Variants in GNRHR observed in about 807,000 individuals in gnomAD.
GNRHR encodes the protein gonadotropin releasing hormone receptor.
GNRHR carries 14 observed loss-of-function variants against 28.1 expected under a neutral mutation model. The ratio of observed to expected loss-of-function variants is 0.50; its 90% confidence interval spans 0.33 to 0.78. The LOEUF is 0.78. Among genes scored for constraint, GNRHR ranks in the 30% least tolerant of loss-of-function variants. The pLI is 0.02. For synonymous variants in GNRHR, 141 were observed against 140.5 expected, an observed-to-expected ratio of 1.00 and a Z score of -0.02; for missense variants, 366 against 382.1, an observed-to-expected ratio of 0.96 and a Z score of 0.35.
intron 1 of GNRHR, among the ~76,000 whole-genome samples, chr4:67,745,040 G>T (rs1577868625): frequency 1.3e-5 from 2 of 152,160 alleles, no homozygotes; most frequent in Admixed American, 1.3e-4. Context: ...CATCCCTCAA[G>T]GATTTAAACG....
In GNRHR at chr4:67,753,814, C is replaced by G. The variant is rs747104264; in HGVS notation, c.522G>C (p.Gln174His). The G allele has an allele frequency of 6.2e-7, 1 of 1,611,096 alleles. No homozygotes were observed. Among genetic ancestry groups the G allele is most frequent in the South Asian group, 1.1e-5 (1 of 90,870 alleles). The part of the protein sequence containing the change: ...WILSSVFAGP[Q>H]LYIFRMIHLA... ...AATAAGTTTGTGTATAATGGCTTAC[C>G]TGTGGTCCTGCAAAGACACTACTGA... Residue 174 changes from glutamine to histidine, a missense_variant and splice_region_variant, in exon 1 of 3, where the codon CAG (glutamine) becomes CAC (histidine). Physicochemically the swap from Gln to His is conservative, Grantham distance 24. Transcript: ENST00000226413.
intron 1 of GNRHR, among the ~76,000 whole-genome samples, chr4:67,745,797 G>A (rs1731743356): frequency 6.6e-6 from 1 of 152,030 alleles, no homozygotes. Context: ...TGAGAACTTA[G>A]CATCACTAAT....
chr4:67,752,114 C>A (rs1731879764), intron 1 of GNRHR, among the ~76,000 whole-genome samples: 1 of 152,186 alleles, frequency 6.6e-6, no homozygotes, highest in Non-Finnish European at 1.5e-5. Flanking sequence ...CCCTAGCCCC[C>A]TGATCACCTC....
rs1055379483 is a variant in GNRHR, at chr4:67,737,415, A to G, written c.*3065T>C. On this transcript the variant is annotated 3_prime_UTR_variant, in exon 3 of 3. Transcript: ENST00000226413. Reference sequence around the variant, plus strand: ...AATTTCTTTTATTCATATGAGCACAATGTATAGTAATTAGAGAAGCCCAAG... The same window carrying G: ...AATTTCTTTTATTCATATGAGCACAGTGTATAGTAATTAGAGAAGCCCAAG... Among the ~76,000 whole-genome samples the G allele has an allele frequency of 1.3e-5, 2 of 151,984 alleles. No homozygotes were observed. The highest frequency in any genetic ancestry group is 2.4e-5 in the African/African-American group (1 of 41,430).
In GNRHR at chr4:67,754,204, G is replaced by A; in HGVS notation, c.132C>T (p.Phe44=). The change falls in exon 1 of 3, where the codon TTC becomes TTT. Residue 44 remains phenylalanine (F), a synonymous_variant. Transcript: ENST00000226413. The part of the protein sequence containing the change: ...SGKIRVTVTF[F]LFLLSATFNA... ...TAAAGGTCGCAGAGAGCAGAAAAAG[G>A]AAGAAAGTAACCGTCACTCGGATCT... 2 of 1,614,182 alleles carry A rather than the reference G, an allele frequency of 1.2e-6. No individual in the cohort carries two copies. Among genetic ancestry groups the A allele is most frequent in the Non-Finnish European group, 1.7e-6 (2 of 1,180,012 alleles).
At position 67,743,709 on chromosome 4, in the gene GNRHR, G is replaced by T. The variant is rs547431667; in HGVS notation, c.742+859C>A. On this transcript the variant is annotated intron_variant, in intron 2 of 2. Transcript: ENST00000226413. ...TCTTATTTTCCCTCTACCCTTCTTAGATATCGCTTATAAAATGGAATCTCT... is the reference window on the plus strand; with the variant it reads ...TCTTATTTTCCCTCTACCCTTCTTATATATCGCTTATAAAATGGAATCTCT... 2.0e-5 allele frequency among the ~76,000 whole-genome samples: 3 copies of T among 152,032 alleles called. No homozygotes were observed. In the East Asian group the frequency reaches 5.8e-4, roughly 29 times the overall value.
intron 2 of GNRHR, 38 bp downstream of exon 2, chr4:67,744,530 A>G (rs761992452): frequency 3.3e-6 from 4 of 1,216,606 alleles, no homozygotes; most frequent in Non-Finnish European, 4.9e-6. Context: ...CTATTTAAAA[A>G]CTGCCCACAA....
At chr4:67,746,526 TTAAAA>T (rs1288543717) in intron 1 of GNRHR, among the ~76,000 whole-genome samples, 1 of 152,086 alleles carries the variant, frequency 6.6e-6, no homozygotes, top group Non-Finnish European at 1.5e-5. Flanking sequence ...TGAAACATTA[TTAAAA>T]TGAAATGATG....
rs1731583095 is a variant in GNRHR at position 67,738,087 on chromosome 4, T to G, written c.*2393A>C. Among the ~76,000 whole-genome samples the G allele has an allele frequency of 6.6e-6, 1 of 151,856 alleles. No homozygotes were observed. The highest frequency in any genetic ancestry group is 2.1e-4 in the South Asian group (1 of 4,832). ...ATAATTATTTGTGTTATGTTTTTTA[T>G]TACATATTGAACCTTAAGAGAGTTT... On this transcript the variant is annotated 3_prime_UTR_variant, in exon 3 of 3. Transcript: ENST00000226413.
At position 67,737,768 on chromosome 4, in the gene GNRHR, A is replaced by C. The variant is rs1372440560; in HGVS notation, c.*2712T>G. On this transcript the variant is annotated 3_prime_UTR_variant, in exon 3 of 3. Coordinates refer to ENST00000226413, the MANE Select transcript of GNRHR (RefSeq NM_000406.3). ...AATTGCTAAAAGAAATTCCATTTTT[A>C]ACTAGTTTTATAGGCTAAGTAAAGG... 2.0e-5 allele frequency among the ~76,000 whole-genome samples: 3 copies of C among 151,916 alleles called. No homozygotes were observed. Among genetic ancestry groups the C allele is most frequent in the Non-Finnish European group, 4.4e-5 (3 of 67,852 alleles).
chr4:67,752,574 C>T (rs1344874331), intron 1 of GNRHR, among the ~76,000 whole-genome samples: 3 of 152,060 alleles, frequency 2.0e-5, no homozygotes, highest in Non-Finnish European at 4.4e-5. Context: ...GCTAAATCAC[C>T]TCATTTCAGG....
At chr4:67,748,549 C>A (rs1180229820) in intron 1 of GNRHR, among the ~76,000 whole-genome samples, 2 of 151,852 alleles carry the variant, frequency 1.3e-5, no homozygotes, top group Non-Finnish European at 2.9e-5. Flanking sequence ...TCCCCAGCCT[C>A]CTACAGGTAA....
Position 67,753,881 on chromosome 4 carries a change from T to A in GNRHR, c.455A>T (p.Asn152Ile). Residue 152 changes from asparagine (N) to isoleucine (I), a missense_variant, in exon 1 of 3, where the codon AAC (asparagine) becomes ATC (isoleucine). Asn to Ile is a moderately radical substitution (Grantham distance 149). Transcript: ENST00000226413. ...AITRPLALKSNSKVGQSMVGL... is the reference protein window; with the variant it reads ...AITRPLALKSISKVGQSMVGL... ...AACCATGGACTGTCCGACTTTGCTG[T>A]TGCTTTTCAAAGCTAGGGGCCTCGT... The A allele has an allele frequency of 6.2e-7, 1 of 1,614,020 alleles. No homozygotes were observed. Among genetic ancestry groups the A allele is most frequent in the Non-Finnish European group, 8.5e-7 (1 of 1,179,968 alleles).
chr4:67,750,763 C>T (rs527723662), intron 1 of GNRHR, among the ~76,000 whole-genome samples: 1 of 151,836 alleles, frequency 6.6e-6, no homozygotes, highest in Non-Finnish European at 1.5e-5. Flanking sequence ...GTATGTGCAC[C>T]AAAGGATGAA....
In GNRHR at chr4:67,740,471, G is replaced by T. The variant is rs898152229; in HGVS notation, c.*9C>A. On this transcript the variant is annotated 3_prime_UTR_variant, in exon 3 of 3. Transcript: ENST00000226413. ...CCTTCTTCATATGACTTCTTGTGTA[G>T]TCTATCAATCACAGAGAAAAATATC... 6.3e-7 allele frequency: 1 copy of T among 1,588,994 alleles called. No individual in the cohort carries two copies. The highest frequency in any genetic ancestry group is 1.7e-4 in the Middle Eastern group (1 of 5,998).
chr4:67,746,065 C>T (rs1731749507), intron 1 of GNRHR, among the ~76,000 whole-genome samples: 1 of 151,954 alleles, frequency 6.6e-6, no homozygotes, highest in Admixed American at 6.6e-5. Context: ...CTGAATAGAA[C>T]ATATAAATTA....
At chr4:67,741,443 C>T (rs1324279656) in intron 2 of GNRHR, among the ~76,000 whole-genome samples, 1 of 152,096 alleles carries the variant, frequency 6.6e-6, no homozygotes, top group Admixed American at 6.6e-5. Flanking sequence ...TTTATTCACT[C>T]ATTGATTGAT....
At chr4:67,747,615 A>G (rs1486830595) in intron 1 of GNRHR, among the ~76,000 whole-genome samples, 1 of 152,122 alleles carries the variant, frequency 6.6e-6, no homozygotes, top group Non-Finnish European at 1.5e-5. Context: ...TAAAAAAATA[A>G]AATATGTTTA....
At chr4:67,752,778 T>C (rs1012450092) in intron 1 of GNRHR, among the ~76,000 whole-genome samples, 1 of 145,984 alleles carries the variant, frequency 6.9e-6, no homozygotes, top group Admixed American at 7.2e-5. Flanking sequence ...TCTTGTGCTA[T>C]ATAGTGAGTT....
Sources: gnomAD v4.1 joint callset for allele counts (sites outside exome capture counted in the v4.1 genomes callset) on GRCh38, gnomAD v4.1.1 for gene constraint, MANE v1.5 for transcripts, NCBI Gene and HGNC (gene_info 2026-07-23, HGNC 2026-07-21) for gene names.